The following SEC24B variants were observed in gnomAD, a reference collection of about 807,000 sequenced individuals.
SEC24B encodes the protein protein transport protein Sec24B.
SEC24B carries 45 observed loss-of-function variants against 142.8 expected under a neutral mutation model. The ratio of observed to expected loss-of-function variants is 0.32; its 90% CI spans 0.25 to 0.40. SEC24B has a LOEUF of 0.40. Among genes scored for constraint, SEC24B ranks in the 10% least tolerant of loss-of-function variants. The pLI is 1.00. For missense variants in SEC24B, 1,409 were observed against 1,526.8 expected (o/e 0.92, Z 1.29); for synonymous variants, 574 against 568.2 (o/e 1.01, Z -0.15).
intron 1 of SEC24B, among the ~76,000 whole-genome samples, chr4:109,456,984 C>T (rs1349745072): frequency 1.3e-5 from 2 of 152,164 alleles, no homozygotes; most frequent in Admixed American, 1.3e-4. Context: ...TGCTTGGTGC[C>T]ATTGCTTCAG....
chr4:109,463,609 C>A lies in SEC24B; in HGVS notation c.842C>A (p.Ser281Tyr). 3 of 1,613,958 alleles carry A rather than the reference C, an allele frequency of 1.9e-6. No homozygotes were observed. Among genetic ancestry groups the A allele is most frequent in the Non-Finnish European group, 2.5e-6 (3 of 1,179,852 alleles). The stretch of plus-strand genomic sequence containing the variant: ...AATCTCATCCGAAACCACACAGGAT[C>A]CCTGGCTGTAGCGAACAACAACCCA... The part of the protein sequence containing the change: ...QDNLIRNHTG[S>Y]LAVANNNPTI... Residue 281 changes from serine (S) to tyrosine (Y), a missense_variant, in exon 2 of 24, where the codon TCC (serine) becomes TAC (tyrosine). Physicochemically the swap from Ser to Tyr is moderately radical, Grantham distance 144 (BLOSUM62 -2). Transcript: ENST00000265175.
At position 109,463,660 on chromosome 4, in the gene SEC24B, A is replaced by G; in HGVS notation, c.877+16A>G. ...ACCATTACTGGTAGGTTGAATGAAA[A>G]GTTCACCAAAACATGTTTGAAAATC... On this transcript the variant is annotated intron_variant, in intron 2 of 23. Transcript: ENST00000265175. 1.9e-6 allele frequency: 3 copies of G among 1,599,924 alleles called. No individual in the cohort carries two copies. The highest frequency in any genetic ancestry group is 2.6e-6 in the Non-Finnish European group (3 of 1,171,058).
Position 109,463,526 on chromosome 4 carries a change from T to G in SEC24B, c.759T>G (p.Ser253Arg). The G allele has an allele frequency of 6.2e-7, 1 of 1,614,150 alleles. No individual in the cohort carries two copies. The highest frequency in any genetic ancestry group is 8.5e-7 in the Non-Finnish European group (1 of 1,180,032). The change falls in exon 2 of 24, where the codon AGT becomes AGG. Residue 253 changes from serine to arginine, a missense_variant. Transcript: ENST00000265175. ...CACAACAGCACCACCAGCAGCAAAG[T>G]CTTTCAGGATACAGTACTCTAACGT... ...LPSQQHHQQQ[S>R]LSGYSTLTWS...
At position 109,539,854 on chromosome 4, in the gene SEC24B, A is replaced by T. The variant is rs1024078268; in HGVS notation, c.*179A>T. On this transcript the variant is annotated 3_prime_UTR_variant, in exon 24 of 24. Coordinates refer to ENST00000265175, the MANE Select transcript of SEC24B (RefSeq NM_006323.5). Reference sequence around the variant, plus strand: ...AGAAAGAACTTGACAGATCTTTTTCAACTCAAATTAATGGTAACGATGATG... The same window carrying T: ...AGAAAGAACTTGACAGATCTTTTTCTACTCAAATTAATGGTAACGATGATG... 1.0e-5 allele frequency: 6 copies of T among 575,414 alleles called. No homozygotes were observed. The highest frequency in any genetic ancestry group is 4.6e-4 in the Middle Eastern group (1 of 2,178). 35.6% of individuals were successfully genotyped at this position (575,414 alleles called of 1,614,324 possible).
intron 1 of SEC24B, among the ~76,000 whole-genome samples, chr4:109,460,278 T>C (rs1228399828): frequency 6.6e-6 from 1 of 152,156 alleles, no homozygotes; most frequent in Non-Finnish European, 1.5e-5. Flanking sequence ...TTCTTATCTC[T>C]TTTATAAACA....
At chr4:109,471,485 A>T (rs1190916577) in intron 2 of SEC24B, among the ~76,000 whole-genome samples, 1 of 152,120 alleles carries the variant, frequency 6.6e-6, no homozygotes, top group Non-Finnish European at 1.5e-5. Context: ...TTTTACTTGG[A>T]TACTGTTAAA....
intron 2 of SEC24B, among the ~76,000 whole-genome samples, chr4:109,463,846 C>G (rs1317272464): frequency 2.0e-5 from 3 of 152,192 alleles, no homozygotes; most frequent in Admixed American, 1.3e-4. Context: ...TCTGCCTTGT[C>G]TAGCTTGGTT....
At chr4:109,480,929 T>C (rs1245891137) in intron 3 of SEC24B, among the ~76,000 whole-genome samples, 1 of 152,266 alleles carries the variant, frequency 6.6e-6, no homozygotes, top group Non-Finnish European at 1.5e-5. Flanking sequence ...TACCAGTTTA[T>C]TGTGCCCTTT....
At chr4:109,463,806 CTCA>C (rs1486140864) in intron 2 of SEC24B, among the ~76,000 whole-genome samples, 162 bp downstream of exon 2, 2 of 152,206 alleles carry the variant, frequency 1.3e-5, no homozygotes, top group Non-Finnish European at 2.9e-5. Context: ...ACCCTTTCTT[CTCA>C]TCCATTCCCA....
intron 1 of SEC24B, among the ~76,000 whole-genome samples, chr4:109,453,781 G>A (rs114895958): frequency 0.025 from 3,744 of 151,900 alleles, 71 homozygotes; most frequent in Non-Finnish European, 0.039. Context: ...TATTGATTGC[G>A]GAAGTGATAA....
At chr4:109,440,655 T>C (rs751960895) in intron 1 of SEC24B, among the ~76,000 whole-genome samples, 2 of 152,228 alleles carry the variant, frequency 1.3e-5, no homozygotes, top group Non-Finnish European at 2.9e-5. Flanking sequence ...GTACTATTTT[T>C]AAAGTACTTA....
intron 8 of SEC24B, among the ~76,000 whole-genome samples, chr4:109,511,318 T>C (rs1697056976): frequency 6.6e-6 from 1 of 152,084 alleles, no homozygotes; most frequent in Admixed American, 6.6e-5. Context: ...GTTACTTGCA[T>C]AATAATAATC....
chr4:109,466,114 C>T (rs949570371), intron 2 of SEC24B, among the ~76,000 whole-genome samples: 4 of 152,120 alleles, frequency 2.6e-5, no homozygotes, highest in African/African-American at 9.7e-5. Flanking sequence ...AGTTCCCAAA[C>T]TTTCTCAGTT....
rs537924431 is a variant in SEC24B at position 109,539,455 on chromosome 4, T to A, written c.3693-106T>A. 2.9e-4 allele frequency: 203 copies of A among 691,598 alleles called. 3 individuals carry two copies. The South Asian group carries it at 3.3e-3, about 11-fold the overall frequency. 42.8% of individuals were successfully genotyped at this position (691,598 alleles called of 1,614,324 possible). On this transcript the variant is annotated intron_variant, in intron 23 of 23. Coordinates refer to ENST00000265175, the MANE Select transcript of SEC24B (RefSeq NM_006323.5). ...TAGAAATATGCACTTTTATTTTATT[T>A]GTATAAATTTACAGGATACAAGTGT... is the stretch of plus-strand genomic sequence containing the variant.
intron 1 of SEC24B, among the ~76,000 whole-genome samples, chr4:109,454,755 A>C (rs1730485233): frequency 6.6e-6 from 1 of 152,126 alleles, no homozygotes; most frequent in South Asian, 2.1e-4. Flanking sequence ...CAAAACCTAA[A>C]AATATTATTC....
At position 109,526,278 on chromosome 4, in the gene SEC24B, G is replaced by A; in HGVS notation, c.2844G>A (p.Leu948=). The change falls in exon 17 of 24, where the codon TTG becomes TTA. Residue 948 remains leucine (L), a synonymous_variant. Coordinates refer to ENST00000265175, the MANE Select transcript of SEC24B (RefSeq NM_006323.5). ...ACTTCTTTGTCCGTTCTACTGATTT[G>A]TTATCCCTTGCCAACATCAATCCTG... ...HGNFFVRSTD[L]LSLANINPDA... 6.2e-7 allele frequency: 1 copy of A among 1,613,898 alleles called. No homozygotes were observed. The highest frequency in any genetic ancestry group is 8.5e-7 in the Non-Finnish European group (1 of 1,179,934).
intron 15 of SEC24B, 151 bp downstream of exon 15, chr4:109,525,092 A>T: frequency 1.3e-6 from 1 of 773,030 alleles, no homozygotes; most frequent in South Asian, 2.3e-5. Context: ...AGTAAAGTTT[A>T]AAGCACTATA....
rs1723622353 is a variant in SEC24B at position 109,521,622 on chromosome 4, C to T, written c.2504C>T (p.Thr835Ile). ...GAAGATCCTAATCAGAGATCAAGTACAAAGGTATTTTATGTTTAGTTTTTT... is the reference window on the plus strand; with the variant it reads ...GAAGATCCTAATCAGAGATCAAGTATAAAGGTATTTTATGTTTAGTTTTTT... ...SREDPNQRSS[T>I]KVVQHLGPAT... Residue 835 changes from threonine to isoleucine, a missense_variant, in exon 14 of 24, where the codon ACA (threonine) becomes ATA (isoleucine). By Grantham distance (89) the Thr-to-Ile change is moderately conservative. Coordinates refer to ENST00000265175, the MANE Select transcript of SEC24B (RefSeq NM_006323.5). The T allele has an allele frequency of 6.2e-7, 1 of 1,605,256 alleles. No individual in the cohort carries two copies. The highest frequency in any genetic ancestry group is 8.5e-7 in the Non-Finnish European group (1 of 1,173,334).
chr4:109,462,319 A>G (rs1162959432), intron 1 of SEC24B, among the ~76,000 whole-genome samples: 1 of 152,178 alleles, frequency 6.6e-6, no homozygotes, highest in Non-Finnish European at 1.5e-5. Context: ...TTTATTTCAC[A>G]GTTTCTCAGG....
Sources: allele counts gnomAD v4.1 joint callset (sites outside exome capture counted in the v4.1 genomes callset), GRCh38; gene constraint gnomAD v4.1.1; transcripts MANE v1.5; gene names NCBI Gene and HGNC (gene_info 2026-07-23, HGNC 2026-07-21).